The following ECE1 variants were observed in gnomAD, a reference collection of about 807,000 sequenced individuals.
ECE1 encodes the protein endothelin-converting enzyme 1.
Under a neutral mutation model 98.6 loss-of-function variants are expected in ECE1, and 35 were observed. The observed-to-expected ratio is 0.35, with a 90% CI of 0.27 to 0.47. The LOEUF is 0.47. ECE1 is among the 20% of genes least tolerant of loss of function. The pLI is 1.00. For synonymous variants in ECE1, 394 were observed against 407.1 expected (o/e 0.97, Z 0.39); for missense variants, 814 against 1,025.3 (o/e 0.79, Z 2.81).
intron 5 of ECE1, among the ~76,000 whole-genome samples, chr1:21,259,085 G>A (rs1185222256): frequency 6.6e-6 from 1 of 152,120 alleles, no homozygotes; most frequent in Non-Finnish European, 1.5e-5. Flanking sequence ...GCCGCTCCCT[G>A]GGTGGCTGGG....
chr1:21,306,845 G>A (rs114885284), intron 1 of ECE1, among the ~76,000 whole-genome samples: 10 of 152,208 alleles, frequency 6.6e-5, no homozygotes, highest in Admixed American at 2.6e-4. Flanking sequence ...GGGAGGAGTC[G>A]AGGAAGGTCT....
In ECE1 at chr1:21,250,816, A is replaced by ACTT. The variant is rs2098211765; in HGVS notation, c.1021-3454_1021-3453insAAG. 7.9e-5 allele frequency among the ~76,000 whole-genome samples: 12 copies of ACTT among 151,916 alleles called. No homozygotes were observed. In the South Asian group the frequency reaches 2.5e-3, roughly 31 times the overall value. Reference sequence around the variant, plus strand: ...AGGTCAGGAAAGGGAGACCATCCTGACTAAGAGGGTGAAACCCCATCTCTA... The same window carrying ACTT: ...AGGTCAGGAAAGGGAGACCATCCTGACTTCTAAGAGGGTGAAACCCCATCTCTA... On this transcript the variant is annotated intron_variant, in intron 8 of 18. Coordinates refer to ENST00000374893, the MANE Select transcript of ECE1 (RefSeq NM_001397.3).
At chr1:21,285,801 G>A (rs2098259928) in intron 2 of ECE1, among the ~76,000 whole-genome samples, 5 of 151,818 alleles carry the variant, frequency 3.3e-5, no homozygotes, top group Admixed American at 3.3e-4. Flanking sequence ...AGGCCAGGCT[G>A]GCCAACATGG....
chr1:21,237,970 C>A (rs1251988648), intron 11 of ECE1, among the ~76,000 whole-genome samples, 164 bp downstream of exon 11: 2 of 152,214 alleles, frequency 1.3e-5, no homozygotes, highest in Non-Finnish European at 2.9e-5. Flanking sequence ...ACTCCCATTA[C>A]CCAGGGCTCG....
At position 21,258,037 on chromosome 1, in the gene ECE1, G is replaced by T. The variant is rs2098222112; in HGVS notation, c.763-447C>A. ...ATGGGGATTCAAGAAGACAGTGCTG[G>T]TCAAGTGCCTGCCAAGCAGGAGGGG... On this transcript the variant is annotated intron_variant, in intron 6 of 18. Coordinates refer to ENST00000374893, the MANE Select transcript of ECE1 (RefSeq NM_001397.3). The surrounding 1 kb of genome is among the most constrained non-coding windows in gnomAD (Gnocchi z 4.2). Among the ~76,000 whole-genome samples the T allele has an allele frequency of 6.6e-6, 1 of 152,196 alleles. No homozygotes were observed.
intron 4 of ECE1, among the ~76,000 whole-genome samples, chr1:21,262,581 C>T (rs2098228470): frequency 6.6e-6 from 1 of 152,318 alleles, no homozygotes; most frequent in African/African-American, 2.4e-5. Flanking sequence ...TGCTCTGGCC[C>T]ATGAGTGAGC....
chr1:21,248,062 C>T (rs944159319), intron 8 of ECE1, among the ~76,000 whole-genome samples: 1 of 152,076 alleles, frequency 6.6e-6, no homozygotes, highest in East Asian at 1.9e-4. Flanking sequence ...TGCATTGGTC[C>T]GAAGGTGATA....
At chr1:21,331,420 A>C (rs772357702) in intron 1 of ECE1, among the ~76,000 whole-genome samples, 73 of 152,112 alleles carry the variant, frequency 4.8e-4, no homozygotes, top group Non-Finnish European at 1.0e-3. Flanking sequence ...TTAAAAAATT[A>C]AAAAATAAAA....
chr1:21,219,736 C>G lies in ECE1; in HGVS notation c.*219G>C. 1 of 611,380 alleles carries G rather than the reference C, an allele frequency of 1.6e-6. No individual in the cohort carries two copies. The highest frequency in any genetic ancestry group is 1.9e-5 in the South Asian group (1 of 53,392). 37.9% of individuals were successfully genotyped at this position (611,380 alleles called of 1,614,324 possible). ...GCACCCGAATGCCTGCTGAAGGTGG[C>G]GCACACGTGTGCCTGGGATGTCCGG... On this transcript the variant is annotated 3_prime_UTR_variant, in exon 19 of 19. Coordinates refer to ENST00000374893, the MANE Select transcript of ECE1 (RefSeq NM_001397.3). The surrounding 1 kb of genome is among the most constrained non-coding windows in gnomAD (Gnocchi z 4.5).
Position 21,272,417 on chromosome 1 carries a change from G to A in ECE1, c.493+282C>T, listed in dbSNP as rs2774027. Among the ~76,000 whole-genome samples the A allele has an allele frequency of 4.6e-5, 7 of 152,216 alleles. No individual in the cohort carries two copies. The East Asian group carries it at 9.7e-4, about 21-fold the overall frequency. ...AGCGATTCTCCTGCCTCAGCCTCCC[G>A]AGTAGTTGGGACTACAGGCGCACGC... On this transcript the variant is annotated intron_variant, in intron 4 of 18. Transcript: ENST00000374893.
intron 4 of ECE1, among the ~76,000 whole-genome samples, chr1:21,267,749 G>C (rs1457630635): frequency 1.3e-5 from 2 of 152,226 alleles, no homozygotes; most frequent in Admixed American, 6.5e-5. Flanking sequence ...TGGATAGAAA[G>C]CATTCATGAT....
At chr1:21,237,337 G>A (rs1293984130) in intron 11 of ECE1, among the ~76,000 whole-genome samples, 1 of 152,122 alleles carries the variant, frequency 6.6e-6, no homozygotes, top group Non-Finnish European at 1.5e-5. Context: ...AATGTCATGA[G>A]CAGACAAGCT....
chr1:21,329,192 C>T (rs1468763906), intron 1 of ECE1, among the ~76,000 whole-genome samples: 1 of 152,148 alleles, frequency 6.6e-6, no homozygotes, highest in Non-Finnish European at 1.5e-5. Flanking sequence ...CTGGACCCTC[C>T]CCCCGACACT....
chr1:21,345,003 C>T lies in ECE1; in HGVS notation c.3+373G>A. 5.9e-6 allele frequency: 1 copy of T among 168,082 alleles called. No homozygotes were observed. The highest frequency in any genetic ancestry group is 1.3e-5 in the Non-Finnish European group (1 of 78,958). The allele number at this position is 168,082 out of a possible 1,614,324, so 10.4% of individuals were successfully genotyped here. A position where few individuals can be genotyped will look rare whatever the true frequency, so the allele number is the denominator to read the frequency against. Reference sequence around the variant, plus strand: ...CCTCGAAATCGCCGCCACCCGCGAGCCCGACCCAGCCCGGCTGCCCTGGGT... The same window carrying T: ...CCTCGAAATCGCCGCCACCCGCGAGTCCGACCCAGCCCGGCTGCCCTGGGT... On this transcript the variant is annotated intron_variant, in intron 1 of 18. Transcript: ENST00000415912. This position sits in a 1 kb window ranked among gnomAD's most constrained non-coding sequence, Gnocchi z 5.1.
chr1:21,342,739 CG>C (rs1639426017), intron 1 of ECE1, among the ~76,000 whole-genome samples: 1 of 152,116 alleles, frequency 6.6e-6, no homozygotes, highest in African/African-American at 2.4e-5. Context: ...TTAAAAGCCG[CG>C]GAGCAGGAGA....
At chr1:21,272,221 A>G (rs1191339983) in intron 4 of ECE1, among the ~76,000 whole-genome samples, 3 of 152,288 alleles carry the variant, frequency 2.0e-5, no homozygotes, top group African/African-American at 7.2e-5. Context: ...GGATCATACA[A>G]TGAGTGAGGG....
chr1:21,290,407 C>T lies in ECE1; in HGVS notation c.8G>A (p.Gly3Asp). The T allele has an allele frequency of 8.1e-7, 1 of 1,238,066 alleles. No individual in the cohort carries two copies. The highest frequency in any genetic ancestry group is 1.0e-6 in the Non-Finnish European group (1 of 992,810). The allele number at this position is 1,238,066 out of a possible 1,614,324, so 76.7% of individuals were successfully genotyped here. A position where few individuals can be genotyped will look rare whatever the true frequency, so the allele number is the denominator to read the frequency against. ...GGCGGACACCGGGGGCGGCCACACG[C>T]CCCGCATGCTGTGCCCCAGACGCCT... MR[G>D]VWPPPVSALL... Residue 3 changes from glycine (G) to aspartate (D), a missense_variant, in exon 1 of 19, where the codon GGC becomes GAC. Coordinates refer to ENST00000374893, the MANE Select transcript of ECE1 (RefSeq NM_001397.3). The surrounding 1 kb of genome is among the most constrained non-coding windows in gnomAD (Gnocchi z 7.3).
intron 10 of ECE1, among the ~76,000 whole-genome samples, chr1:21,242,260 T>A (rs1395709801): frequency 6.6e-6 from 1 of 152,126 alleles, no homozygotes. Flanking sequence ...CAAACTTGGA[T>A]CTTCTGACTC....
Position 21,290,170 on chromosome 1 carries a change from T to C in ECE1, c.52-14A>G. ...GTACGTCGACATCTGCAAGGCCAAATGCAGCACGGACTCCCTCAGCGCCTC... is the reference window on the plus strand; with the variant it reads ...GTACGTCGACATCTGCAAGGCCAAACGCAGCACGGACTCCCTCAGCGCCTC... On this transcript the variant is annotated splice_polypyrimidine_tract_variant and intron_variant, in intron 1 of 18. Coordinates refer to ENST00000374893, the MANE Select transcript of ECE1 (RefSeq NM_001397.3). This position sits in a 1 kb window ranked among gnomAD's most constrained non-coding sequence, Gnocchi z 7.3. The C allele has an allele frequency of 6.4e-7, 1 of 1,550,414 alleles. No individual in the cohort carries two copies. The highest frequency in any genetic ancestry group is 1.2e-5 in the South Asian group (1 of 83,666).
Sources: gnomAD v4.1 joint callset for allele counts (sites outside exome capture counted in the v4.1 genomes callset) on GRCh38, gnomAD v4.1.1 for gene constraint, Gnocchi (gnomAD v3.1) non-coding constraint, MANE v1.5 for transcripts, NCBI Gene and HGNC (gene_info 2026-07-23, HGNC 2026-07-21) for gene names.